Variants in PIR observed in about 807,000 individuals in gnomAD.
PIR encodes pirin.
A neutral mutation model predicts 24.2 loss-of-function variants in PIR; 22 were observed. That is an observed-to-expected ratio of 0.91 (90% CI 0.65 to 1.30). PIR has a LOEUF of 1.30. Ranked by LOEUF, PIR falls within the 50% of genes most tolerant of loss-of-function variation. PIR has a pLI of 0.00. For synonymous variants in PIR, 80 were observed against 79.6 expected (o/e 1.00, Z -0.03); for missense variants, 220 against 220.3 (o/e 1.00, Z 0.01).
Position 15,429,433 on chromosome X carries a change from C to T in PIR, c.481-3443G>A, listed in dbSNP as rs181474072. 8 of 112,407 alleles carry T rather than the reference C, an allele frequency of 7.1e-5. 1 individual carries two copies. The highest frequency in any genetic ancestry group is 3.8e-4 in the Admixed American group (4 of 10,655). The allele number at this position is 112,407 out of a possible 1,213,427, so 9.3% of individuals were successfully genotyped here. A position where few individuals can be genotyped will look rare whatever the true frequency, so the allele number is the denominator to read the frequency against. On this transcript the variant is annotated intron_variant, in intron 5 of 9. Coordinates refer to ENST00000380420, the MANE Select transcript of PIR (RefSeq NM_001018109.3). ...TTTTCACAACATCTTTAACCTAAAA[C>T]AGGATTCCAATTCTAGTATTCTTTT...
intron 3 of PIR, chrX:15,464,375 T>C: frequency 2.7e-6 from 2 of 749,066 alleles, no homozygotes; most frequent in Non-Finnish European, 1.6e-6. Context: ...TGGAAACAAC[T>C]TTTTTGTTTT....
At chrX:15,488,793 A>G (rs1189620825) in intron 2 of PIR, among the ~76,000 whole-genome samples, 2 of 111,765 alleles carry the variant, frequency 1.8e-5, no homozygotes, top group East Asian at 5.5e-4. Context: ...TCTGTAAAGC[A>G]TAAGTTATCA....
chrX:15,478,080 T>C (rs1481554771), intron 3 of PIR, among the ~76,000 whole-genome samples: 1 of 106,759 alleles, frequency 9.4e-6, no homozygotes, highest in Non-Finnish European at 1.9e-5. Flanking sequence ...ATTCATTTTA[T>C]TTAATATATT....
At chrX:15,446,575 C>T (rs1926111547) in intron 5 of PIR, among the ~76,000 whole-genome samples, 1 of 111,991 alleles carries the variant, frequency 8.9e-6, no homozygotes. Context: ...GTTGAATAAG[C>T]TTGATCTAGA....
At chrX:15,415,940 T>C (rs768406602) in intron 6 of PIR, among the ~76,000 whole-genome samples, 2 of 110,224 alleles carry the variant, frequency 1.8e-5, no homozygotes, top group Admixed American at 9.7e-5. Context: ...ATTTAAGGCA[T>C]TTTTACTTAT....
intron 2 of PIR, among the ~76,000 whole-genome samples, chrX:15,484,921 AG>A (rs1922731846): frequency 8.9e-6 from 1 of 112,181 alleles, no homozygotes; most frequent in African/African-American, 3.2e-5. Context: ...AATAATTTAA[AG>A]GCAGAATTGT....
At chrX:15,439,793 G>A (rs1925856873) in intron 5 of PIR, among the ~76,000 whole-genome samples, 1 of 112,166 alleles carries the variant, frequency 8.9e-6, no homozygotes, top group Non-Finnish European at 1.9e-5. Context: ...TTGAACCCAG[G>A]TGTGCTTGAC....
In PIR at chrX:15,459,758, G is replaced by T; in HGVS notation, c.190-18C>A. The T allele has an allele frequency of 1.0e-6, 1 of 968,573 alleles. No homozygotes were observed. Among genetic ancestry groups the T allele is most frequent in the Non-Finnish European group, 1.5e-6 (1 of 677,252 alleles). 79.8% of individuals were successfully genotyped at this position (968,573 alleles called of 1,213,427 possible). The stretch of plus-strand genomic sequence containing the variant: ...TAGGATACCTTTGAAAAACAAACAG[G>T]AAAAAAAGTAGATCCTTTGCCTATT... On this transcript the variant is annotated intron_variant, in intron 3 of 9. Transcript: ENST00000380420.
intron 3 of PIR, among the ~76,000 whole-genome samples, chrX:15,461,656 G>T (rs112702894): frequency 6.3e-5 from 7 of 111,098 alleles, no homozygotes; most frequent in Admixed American, 5.7e-4. Context: ...GGTGGCAGGC[G>T]CCTGTAATCC....
intron 6 of PIR, among the ~76,000 whole-genome samples, chrX:15,422,833 T>C (rs755369967): frequency 7.5e-4 from 84 of 111,745 alleles, no homozygotes; most frequent in Middle Eastern, 4.6e-3. Flanking sequence ...AAAACTTATA[T>C]GGAACCATGA....
chrX:15,445,832 T>C (rs907251260), intron 5 of PIR, among the ~76,000 whole-genome samples: 6 of 78,681 alleles, frequency 7.6e-5, no homozygotes, highest in Non-Finnish European at 1.2e-4. Context: ...TTTTTTTTTT[T>C]TTTTTTTTTT....
chrX:15,421,200 G>A (rs1298749894), intron 6 of PIR, among the ~76,000 whole-genome samples: 3 of 111,892 alleles, frequency 2.7e-5, no homozygotes, highest in Non-Finnish European at 5.6e-5. Context: ...ATCACGGATA[G>A]TGAAGGCTTA....
intron 5 of PIR, among the ~76,000 whole-genome samples, chrX:15,452,217 C>T (rs1418596298): frequency 8.9e-6 from 1 of 111,811 alleles, no homozygotes; most frequent in East Asian, 2.8e-4. Context: ...AGAGAGCTGG[C>T]AATAATATTG....
chrX:15,491,884 C>G (rs899713898), intron 1 of PIR, among the ~76,000 whole-genome samples: 1 of 110,898 alleles, frequency 9.0e-6, no homozygotes, highest in Non-Finnish European at 1.9e-5. Context: ...GCTTGCACAA[C>G]GACAAAATCA....
intron 2 of PIR, among the ~76,000 whole-genome samples, chrX:15,481,542 A>G (rs1019934824): frequency 8.9e-6 from 1 of 112,037 alleles, no homozygotes; most frequent in East Asian, 2.8e-4. Flanking sequence ...ACATATTTCA[A>G]TAAGGATTTG....
At chrX:15,447,313 G>GTT (rs57685043) in intron 5 of PIR, among the ~76,000 whole-genome samples, 14 of 104,869 alleles carry the variant, frequency 1.3e-4, no homozygotes, top group South Asian at 8.6e-4. Flanking sequence ...TGGTTTTTTG[G>GTT]TTTTTTTTTT....
chrX:15,460,900 G>A (rs750723667), intron 3 of PIR, among the ~76,000 whole-genome samples: 4 of 111,511 alleles, frequency 3.6e-5, no homozygotes, highest in Non-Finnish European at 7.5e-5. Flanking sequence ...CTGTGAAGAC[G>A]TGTTTGCTTT....
chrX:15,415,754 A>G (rs1186734027), intron 6 of PIR, among the ~76,000 whole-genome samples: 1 of 111,834 alleles, frequency 8.9e-6, no homozygotes, highest in East Asian at 2.8e-4. Flanking sequence ...GTACAATTTT[A>G]TCAGTCAATT....
At chrX:15,451,915 C>T (rs1489881248) in intron 5 of PIR, among the ~76,000 whole-genome samples, 1 of 112,171 alleles carries the variant, frequency 8.9e-6, no homozygotes, top group East Asian at 2.8e-4. Flanking sequence ...TGCACCTGTT[C>T]TAAGTACTTT....
Sources: gnomAD v4.1 joint callset for allele counts (sites outside exome capture counted in the v4.1 genomes callset) on GRCh38, gnomAD v4.1.1 for gene constraint, MANE v1.5 for transcripts, NCBI Gene and HGNC (gene_info 2026-07-23, HGNC 2026-07-21) for gene names.